The following MARCHF11 variants were observed in gnomAD, a reference collection of about 807,000 sequenced individuals.
MARCHF11 encodes the protein E3 ubiquitin-protein ligase MARCHF11.
MARCHF11 carries 29 observed loss-of-function variants against 37.3 expected under a neutral mutation model. That is an observed-to-expected ratio of 0.78 (90% CI 0.58 to 1.06). The LOEUF is 1.06. Ranked by LOEUF, MARCHF11 falls within the 50% of genes least tolerant of loss-of-function variation. MARCHF11 has a pLI of 0.00. For missense variants in MARCHF11, 482 were observed against 533.4 expected (o/e 0.90, Z 0.95); for synonymous variants, 233 against 228.0 (o/e 1.02, Z -0.20).
chr5:16,112,607 A>G lies in MARCHF11; in HGVS notation c.694-21526T>C, dbSNP rs1168929569. 2.6e-5 allele frequency among the ~76,000 whole-genome samples: 4 copies of G among 152,228 alleles called. No homozygotes were observed. In the South Asian group the frequency reaches 6.2e-4, roughly 24 times the overall value. On this transcript the variant is annotated intron_variant, in intron 2 of 3. Transcript: ENST00000332432. ...ATGGACTTGCCTTGTCTCAGATGAGACTTTGAACTGTGGACTTTTGATTTA... is the reference window on the plus strand; with the variant it reads ...ATGGACTTGCCTTGTCTCAGATGAGGCTTTGAACTGTGGACTTTTGATTTA...
chr5:16,089,104 A>T (rs1736748571), intron 3 of MARCHF11, among the ~76,000 whole-genome samples: 1 of 152,136 alleles, frequency 6.6e-6, no homozygotes, highest in East Asian at 1.9e-4. Context: ...GAAATTAAAA[A>T]AAAAAATCAT....
At chr5:16,127,026 C>T (rs1579397925) in intron 2 of MARCHF11, among the ~76,000 whole-genome samples, 1 of 152,126 alleles carries the variant, frequency 6.6e-6, no homozygotes, top group Non-Finnish European at 1.5e-5. Flanking sequence ...CCCAGTGGCT[C>T]GTCCAAATAA....
intron 2 of MARCHF11, among the ~76,000 whole-genome samples, chr5:16,176,335 TA>T (rs1342575656): frequency 6.6e-6 from 1 of 152,182 alleles, no homozygotes; most frequent in East Asian, 1.9e-4. Flanking sequence ...CTTCTACTGA[TA>T]AAACTGTTGT....
chr5:16,157,245 T>C (rs1480985218), intron 2 of MARCHF11, among the ~76,000 whole-genome samples: 6 of 151,842 alleles, frequency 4.0e-5, no homozygotes, highest in South Asian at 2.1e-4. Flanking sequence ...GAAAAATTAA[T>C]ATTGTTAAAA....
chr5:16,157,943 A>T (rs187134157), intron 2 of MARCHF11, among the ~76,000 whole-genome samples: 47 of 152,060 alleles, frequency 3.1e-4, no homozygotes, highest in Admixed American at 5.2e-4. Context: ...TCTGATAAGG[A>T]GTTAATATCC....
At chr5:16,172,472 T>C (rs1336577960) in intron 2 of MARCHF11, among the ~76,000 whole-genome samples, 32 of 152,138 alleles carry the variant, frequency 2.1e-4, no homozygotes, top group Admixed American at 2.1e-3. Context: ...CTATTAAATC[T>C]GCAAAGAATG....
At chr5:16,135,718 G>A (rs184141118) in intron 2 of MARCHF11, among the ~76,000 whole-genome samples, 137 of 152,192 alleles carry the variant, frequency 9.0e-4, no homozygotes, top group Middle Eastern at 3.4e-3. Context: ...AAAAGTATGA[G>A]TAAATCATAC....
intron 3 of MARCHF11, among the ~76,000 whole-genome samples, chr5:16,078,095 A>C (rs1271089224): frequency 6.6e-6 from 1 of 152,254 alleles, no homozygotes; most frequent in Non-Finnish European, 1.5e-5. Context: ...CAAGTTATTC[A>C]AGCTCAGCAT....
chr5:16,176,720 T>G (rs1449345415), intron 2 of MARCHF11, among the ~76,000 whole-genome samples: 3 of 152,190 alleles, frequency 2.0e-5, no homozygotes, highest in Non-Finnish European at 4.4e-5. Context: ...AGGTTCCTTC[T>G]GCAAACACTG....
chr5:16,160,637 A>C (rs2126604145), intron 2 of MARCHF11, among the ~76,000 whole-genome samples: 1 of 151,904 alleles, frequency 6.6e-6, no homozygotes, highest in Non-Finnish European at 1.5e-5. Context: ...AAAGTATCTG[A>C]ACAGAGTAAA....
chr5:16,170,273 A>C (rs758733797), intron 2 of MARCHF11, among the ~76,000 whole-genome samples: 45 of 152,226 alleles, frequency 3.0e-4, no homozygotes, highest in Non-Finnish European at 5.4e-4. Flanking sequence ...TGACAATCTC[A>C]AGAAAGTGAG....
rs1326325992 is a variant in MARCHF11, at chr5:16,067,560, A to G, written c.1120T>C (p.Leu374=). 1 of 1,613,848 alleles carries G rather than the reference A, an allele frequency of 6.2e-7. No individual in the cohort carries two copies. Among genetic ancestry groups the G allele is most frequent in the African/African-American group, 1.3e-5 (1 of 74,916 alleles). Reference sequence around the variant, plus strand: ...GGCCTCATCCGATTGAACAGGTGCAATAACACATAGCCACACTGAAACCTT... The same window carrying G: ...GGCCTCATCCGATTGAACAGGTGCAGTAACACATAGCCACACTGAAACCTT... ...SPRFQCGYVL[L]HLFNRMRPHE... Residue 374 remains leucine, a synonymous_variant, in exon 4 of 4, where the codon TTG becomes CTG. Coordinates refer to ENST00000332432, the MANE Select transcript of MARCHF11 (RefSeq NM_001102562.3).
chr5:16,084,756 G>A (rs35957258), intron 3 of MARCHF11, among the ~76,000 whole-genome samples: 6,476 of 130,590 alleles, frequency 0.05, 388 homozygotes, highest in African/African-American at 0.21. Flanking sequence ...AGAAGGAGCA[G>A]TTTTTTTTTT....
chr5:16,169,093 G>A (rs957837463), intron 2 of MARCHF11, among the ~76,000 whole-genome samples: 2 of 152,052 alleles, frequency 1.3e-5, no homozygotes, highest in African/African-American at 4.8e-5. Context: ...ACCAAGGCAA[G>A]CCCGTGTAAG....
intron 3 of MARCHF11, among the ~76,000 whole-genome samples, chr5:16,069,391 C>G (rs1417865973): frequency 6.6e-6 from 1 of 152,030 alleles, no homozygotes; most frequent in Admixed American, 6.6e-5. Context: ...GAAGTGGCTT[C>G]AAAGAGGGTT....
At chr5:16,163,115 C>T (rs568494318) in intron 2 of MARCHF11, among the ~76,000 whole-genome samples, 1 of 152,034 alleles carries the variant, frequency 6.6e-6, no homozygotes, top group Non-Finnish European at 1.5e-5. Flanking sequence ...GTTACAAAAG[C>T]TAATTGTGTC....
intron 2 of MARCHF11, among the ~76,000 whole-genome samples, chr5:16,096,184 A>G (rs779981233): frequency 6.6e-6 from 1 of 152,296 alleles, no homozygotes. Context: ...AGTCATACCT[A>G]CTTGAAAGGT....
chr5:16,079,457 C>A (rs1371621741), intron 3 of MARCHF11, among the ~76,000 whole-genome samples: 4 of 152,202 alleles, frequency 2.6e-5, no homozygotes, highest in Non-Finnish European at 5.9e-5. Context: ...CAAGGTTGGT[C>A]TTGCTGCTCT....
chr5:16,136,076 C>T (rs2126588047), intron 2 of MARCHF11, among the ~76,000 whole-genome samples: 1 of 152,084 alleles, frequency 6.6e-6, no homozygotes, highest in East Asian at 1.9e-4. Context: ...CTCAGTTTCT[C>T]ATCTACAAAT....
Sources: allele counts gnomAD v4.1 joint callset (sites outside exome capture counted in the v4.1 genomes callset), GRCh38; gene constraint gnomAD v4.1.1; transcripts MANE v1.5; gene names NCBI Gene and HGNC (gene_info 2026-07-23, HGNC 2026-07-21).